Variants in PIGU observed in about 807,000 individuals in gnomAD.
PIGU encodes GPI-anchor transamidase component PIGU.
In PIGU, 24 loss-of-function variants were observed where a neutral mutation model predicts 49.9. The ratio of observed to expected loss-of-function variants is 0.48; its 90% CI spans 0.35 to 0.68. PIGU has a LOEUF of 0.68. PIGU is among the 30% of genes least tolerant of loss of function. The probability of loss-of-function intolerance (pLI) is 0.01; values close to 1 mark genes in which losing one functional copy is unlikely to be tolerated. For missense variants in PIGU, 490 were observed against 532.6 expected (o/e 0.92, Z 0.79); for synonymous variants, 220 against 205.7 (o/e 1.07, Z -0.59).
chr20:34,676,323 T>A (rs958560349), intron 1 of PIGU, among the ~76,000 whole-genome samples: 8 of 152,198 alleles, frequency 5.3e-5, no homozygotes, highest in African/African-American at 1.9e-4. Flanking sequence ...ATACTTTTCA[T>A]GAATTATTAT....
At chr20:34,637,116 T>C (rs1985992783) in intron 5 of PIGU, among the ~76,000 whole-genome samples, 1 of 152,168 alleles carries the variant, frequency 6.6e-6, no homozygotes, top group Non-Finnish European at 1.5e-5. Context: ...CATAGACATC[T>C]AATAGGGAAT....
At chr20:34,576,948 C>G (rs888399910) in intron 10 of PIGU, among the ~76,000 whole-genome samples, 4 of 152,114 alleles carry the variant, frequency 2.6e-5, no homozygotes, top group African/African-American at 9.7e-5. Flanking sequence ...TCTTAAAGTC[C>G]CTTTGCCATG....
intron 7 of PIGU, among the ~76,000 whole-genome samples, chr20:34,599,647 A>G (rs990120124): frequency 1.2e-4 from 19 of 152,216 alleles, no homozygotes; most frequent in Admixed American, 4.6e-4. Context: ...GGCTGAAACT[A>G]ACTGGCAAAT....
chr20:34,603,658 T>C (rs1984510765), intron 7 of PIGU, among the ~76,000 whole-genome samples: 1 of 152,206 alleles, frequency 6.6e-6, no homozygotes, highest in Non-Finnish European at 1.5e-5. Flanking sequence ...CCAGTAGACT[T>C]TGATAAACTT....
At chr20:34,651,094 G>A (rs530771132) in intron 2 of PIGU, among the ~76,000 whole-genome samples, 1 of 152,212 alleles carries the variant, frequency 6.6e-6, no homozygotes, top group South Asian at 2.1e-4. Flanking sequence ...TTTTCTTCTG[G>A]AAAAGATTTC....
rs34573797 is a variant in PIGU at position 34,589,714 on chromosome 20, G to A, written c.628-1107C>T. 2.9e-3 allele frequency among the ~76,000 whole-genome samples: 408 copies of A among 139,898 alleles called. 2 individuals are homozygous for A. Among genetic ancestry groups the A allele is most frequent in the African/African-American group, 0.01 (381 of 36,992 alleles). 91.8% of individuals were successfully genotyped at this position (139,898 alleles called of 152,430 possible). A position where few individuals can be genotyped will look rare whatever the true frequency, so the allele number is the denominator to read the frequency against. ...CTCGTTGCCCTGGCTGGAGTGCTACGGCGTGATCTCGGCTCACTGCAACCT... is the reference window on the plus strand; with the variant it reads ...CTCGTTGCCCTGGCTGGAGTGCTACAGCGTGATCTCGGCTCACTGCAACCT... On this transcript the variant is annotated intron_variant, in intron 7 of 11. Coordinates refer to ENST00000217446, the MANE Select transcript of PIGU (RefSeq NM_080476.5).
At chr20:34,650,269 A>G (rs1390965983) in intron 2 of PIGU, among the ~76,000 whole-genome samples, 1 of 149,516 alleles carries the variant, frequency 6.7e-6, no homozygotes, top group African/African-American at 2.5e-5. Context: ...GATCATAGCT[A>G]TTTTTCTTTT....
In PIGU at chr20:34,616,235, C is replaced by A. The variant is rs554631539; in HGVS notation, c.530-96G>T. Reference sequence around the variant, plus strand: ...CAACACAAAACTTTCCATAACTGCTCAAATAATCACCTGCCAAGTGCCTCC... The same window carrying A: ...CAACACAAAACTTTCCATAACTGCTAAAATAATCACCTGCCAAGTGCCTCC... On this transcript the variant is annotated intron_variant, in intron 6 of 11. Transcript: ENST00000217446. 1.9e-4 allele frequency: 260 copies of A among 1,351,160 alleles called. 7 individuals are homozygous for A. In the South Asian group the frequency reaches 3.6e-3, roughly 19 times the overall value. 83.7% of individuals were successfully genotyped at this position (1,351,160 alleles called of 1,614,324 possible).
intron 2 of PIGU, among the ~76,000 whole-genome samples, chr20:34,649,620 A>G (rs1207569878): frequency 2.0e-5 from 3 of 149,730 alleles, no homozygotes; most frequent in Non-Finnish European, 4.4e-5. Context: ...TCCCAGGTTC[A>G]AGTGCCCAGG....
At chr20:34,642,751 T>C (rs1986208696) in intron 4 of PIGU, among the ~76,000 whole-genome samples, 1 of 144,960 alleles carries the variant, frequency 6.9e-6, no homozygotes, top group Non-Finnish European at 1.5e-5. Flanking sequence ...AGTCTTTTTT[T>C]TTTTTTTTTT....
chr20:34,617,088 T>C (rs1278372341), intron 6 of PIGU, among the ~76,000 whole-genome samples: 1 of 152,182 alleles, frequency 6.6e-6, no homozygotes, highest in Non-Finnish European at 1.5e-5. Flanking sequence ...CCAGCCTGGG[T>C]GTCCAGGCAA....
intron 7 of PIGU, among the ~76,000 whole-genome samples, chr20:34,591,731 A>T (rs1983997308): frequency 1.3e-5 from 2 of 152,220 alleles, no homozygotes. Flanking sequence ...TATTAACTAT[A>T]GTCATGTTGC....
At chr20:34,615,046 C>T (rs1050972592) in intron 7 of PIGU, among the ~76,000 whole-genome samples, 4 of 152,232 alleles carry the variant, frequency 2.6e-5, no homozygotes, top group African/African-American at 9.6e-5. Flanking sequence ...ATCAGATGGC[C>T]ATGGTTCATA....
At chr20:34,628,930 T>C (rs540498147) in intron 6 of PIGU, among the ~76,000 whole-genome samples, 14 of 152,128 alleles carry the variant, frequency 9.2e-5, no homozygotes, top group African/African-American at 3.4e-4. Flanking sequence ...CCCCCCACCA[T>C]GTCCAGGCCC....
chr20:34,676,904 G>A, intron 1 of PIGU, 52 bp downstream of exon 1: 1 of 1,551,990 alleles, frequency 6.4e-7, no homozygotes, highest in Non-Finnish European at 8.7e-7. Flanking sequence ...ATTCACAGAG[G>A]CCGCGGGAGG....
intron 7 of PIGU, 141 bp downstream of exon 7, chr20:34,615,901 A>G: frequency 1.5e-6 from 2 of 1,357,256 alleles, no homozygotes; most frequent in Non-Finnish European, 9.6e-7. Flanking sequence ...AAGTTAGTCA[A>G]GTTTCTATGT....
chr20:34,591,819 T>C (rs901012189), intron 7 of PIGU, among the ~76,000 whole-genome samples: 8 of 152,150 alleles, frequency 5.3e-5, no homozygotes, highest in African/African-American at 1.9e-4. Context: ...AGAAATGATG[T>C]CAGAAAATAC....
intron 5 of PIGU, among the ~76,000 whole-genome samples, chr20:34,635,738 G>GTAA: frequency 1.3e-5 from 2 of 151,988 alleles, no homozygotes; most frequent in South Asian, 4.1e-4. Flanking sequence ...GGCCAGGCGT[G>GTAA]GTGGCACATG....
chr20:34,625,352 G>T (rs1298300869), intron 6 of PIGU, among the ~76,000 whole-genome samples: 2 of 120,044 alleles, frequency 1.7e-5, no homozygotes, highest in Non-Finnish European at 3.4e-5. Context: ...TGGGGAACAA[G>T]AGCAAAACTC....
Sources: gnomAD v4.1 joint callset for allele counts (sites outside exome capture counted in the v4.1 genomes callset) on GRCh38, gnomAD v4.1.1 for gene constraint, MANE v1.5 for transcripts, NCBI Gene and HGNC (gene_info 2026-07-23, HGNC 2026-07-21) for gene names.